The following NRG3 variants were observed in gnomAD, a reference collection of about 807,000 sequenced individuals.
NRG3 encodes pro-neuregulin-3, membrane-bound isoform.
NRG3 carries 31 observed loss-of-function variants against 66.9 expected under a neutral mutation model. The ratio of observed to expected loss-of-function variants is 0.46; its 90% CI spans 0.35 to 0.63. The LOEUF is 0.63. NRG3 is among the 20% of genes least tolerant of loss of function. The pLI is 0.00. For synonymous variants in NRG3, 393 were observed against 359.4 expected, an observed-to-expected ratio of 1.09 and a Z score of -1.06; for missense variants, 910 against 878.9, an observed-to-expected ratio of 1.04 and a Z score of -0.45.
chr10:82,531,679 C>G (rs1847283513), intron 2 of NRG3, among the ~76,000 whole-genome samples: 1 of 151,784 alleles, frequency 6.6e-6, no homozygotes, highest in Non-Finnish European at 1.5e-5. Context: ...TCTGTGAATA[C>G]ACACATACAC....
chr10:82,553,504 A>T (rs750120751), intron 2 of NRG3, among the ~76,000 whole-genome samples: 2 of 152,078 alleles, frequency 1.3e-5, no homozygotes, highest in Non-Finnish European at 2.9e-5. Flanking sequence ...GGGTTTGCTG[A>T]AGAGAATTTT....
At chr10:81,906,256 C>T (rs1414496044) in intron 1 of NRG3, among the ~76,000 whole-genome samples, 1 of 152,044 alleles carries the variant, frequency 6.6e-6, no homozygotes, top group Non-Finnish European at 1.5e-5. Context: ...ACGAAAATTT[C>T]AGTTTCAAAG....
At chr10:82,360,376 A>G (rs1024784109) in intron 2 of NRG3, among the ~76,000 whole-genome samples, 1 of 152,222 alleles carries the variant, frequency 6.6e-6, no homozygotes. Context: ...TAATGGGATA[A>G]TCATTTGGAA....
intron 2 of NRG3, among the ~76,000 whole-genome samples, chr10:82,589,794 C>CT (rs2046879229): frequency 6.6e-6 from 1 of 152,142 alleles, no homozygotes; most frequent in Non-Finnish European, 1.5e-5. Context: ...TGCAATTTCC[C>CT]ATTGACTAGG....
intron 2 of NRG3, among the ~76,000 whole-genome samples, chr10:82,559,402 T>G (rs1349164392): frequency 6.6e-6 from 1 of 152,216 alleles, no homozygotes; most frequent in Non-Finnish European, 1.5e-5. Context: ...TGAAAAAGTT[T>G]GGCTAAGCCG....
intron 1 of NRG3, among the ~76,000 whole-genome samples, chr10:81,971,726 C>G (rs2059941205): frequency 1.3e-5 from 2 of 152,068 alleles, no homozygotes; most frequent in Non-Finnish European, 2.9e-5. Context: ...CCAGGTGGAG[C>G]CTGGTGATCT....
At chr10:82,513,002 G>A (rs1043887896) in intron 2 of NRG3, among the ~76,000 whole-genome samples, 2 of 152,052 alleles carry the variant, frequency 1.3e-5, no homozygotes, top group Non-Finnish European at 2.9e-5. Flanking sequence ...GTGCAGGTTT[G>A]TTACATAGGT....
At chr10:82,690,899 A>T (rs180792110) in intron 2 of NRG3, among the ~76,000 whole-genome samples, 295 of 151,922 alleles carry the variant, frequency 1.9e-3, no homozygotes, top group Non-Finnish European at 3.4e-3. Flanking sequence ...ATCTCTCAAC[A>T]CTCATGTCTC....
intron 1 of NRG3, among the ~76,000 whole-genome samples, chr10:82,200,172 C>T (rs568855627): frequency 6.6e-6 from 1 of 152,224 alleles, no homozygotes; most frequent in South Asian, 2.1e-4. Context: ...TGACAATGTG[C>T]ATTCTTAGCA....
At position 82,264,190 on chromosome 10, in the gene NRG3, C is replaced by T. The variant is rs565066285; in HGVS notation, c.824-94549C>T. Among the ~76,000 whole-genome samples the T allele has an allele frequency of 2.6e-5, 4 of 152,234 alleles. No homozygotes were observed. The South Asian group carries it at 8.3e-4, about 32-fold the overall frequency. ...TTCTCACATTGCTAATAAAGACATA[C>T]CTGAGACTGGGTAATTTATAAAGTA... On this transcript the variant is annotated intron_variant, in intron 1 of 8. Coordinates refer to ENST00000372141, the MANE Select transcript of NRG3 (RefSeq NM_001010848.4).
chr10:82,073,920 CA>C (rs2064945971), intron 1 of NRG3, among the ~76,000 whole-genome samples: 1 of 152,056 alleles, frequency 6.6e-6, no homozygotes, highest in Non-Finnish European at 1.5e-5. Flanking sequence ...TAGTCATGAA[CA>C]AATTAAACCG....
intron 3 of NRG3, among the ~76,000 whole-genome samples, chr10:82,821,962 A>T (rs2135578456): frequency 6.6e-6 from 1 of 152,204 alleles, no homozygotes; most frequent in East Asian, 1.9e-4. Context: ...TGCCCCCCAC[A>T]TGCCAGCTGG....
intron 2 of NRG3, among the ~76,000 whole-genome samples, chr10:82,416,312 A>T (rs1590052493): frequency 6.6e-6 from 1 of 152,176 alleles, no homozygotes; most frequent in Admixed American, 6.5e-5. Context: ...CAGGTGACTT[A>T]GCAACCACCT....
chr10:82,133,216 G>A (rs1435401785), intron 1 of NRG3, among the ~76,000 whole-genome samples: 2 of 151,550 alleles, frequency 1.3e-5, no homozygotes, highest in African/African-American at 4.8e-5. Flanking sequence ...TTTTCTCTTA[G>A]CACTGCTTTT....
At chr10:82,896,608 A>T (rs577220851) in intron 4 of NRG3, among the ~76,000 whole-genome samples, 9 of 152,348 alleles carry the variant, frequency 5.9e-5, no homozygotes, top group African/African-American at 2.2e-4. Context: ...TATATGTAAA[A>T]TATGTAAGTG....
chr10:82,604,064 G>A (rs1387209265), intron 2 of NRG3, among the ~76,000 whole-genome samples: 1 of 152,022 alleles, frequency 6.6e-6, no homozygotes, highest in Non-Finnish European at 1.5e-5. Context: ...TTTACCTAAA[G>A]GCCATAGTTT....
At chr10:82,263,535 A>G (rs1417511026) in intron 1 of NRG3, among the ~76,000 whole-genome samples, 1 of 152,160 alleles carries the variant, frequency 6.6e-6, no homozygotes. Flanking sequence ...AAATGTTCAA[A>G]ATAACATTTG....
intron 2 of NRG3, among the ~76,000 whole-genome samples, chr10:82,448,381 T>G (rs1289147899): frequency 3.9e-5 from 6 of 152,234 alleles, no homozygotes; most frequent in Non-Finnish European, 7.3e-5. Context: ...TTTAAAAATA[T>G]GTATTTTAAA....
intron 2 of NRG3, among the ~76,000 whole-genome samples, chr10:82,515,308 A>G (rs535538575): frequency 1.3e-5 from 2 of 152,330 alleles, no homozygotes; most frequent in South Asian, 4.1e-4. Flanking sequence ...TTAAATTATC[A>G]TTCTTGAGCC....
Sources: allele counts gnomAD v4.1 joint callset (sites outside exome capture counted in the v4.1 genomes callset), GRCh38; gene constraint gnomAD v4.1.1; transcripts MANE v1.5; gene names NCBI Gene and HGNC (gene_info 2026-07-23, HGNC 2026-07-21).